Variants in GCGR observed in about 807,000 individuals in gnomAD.
GCGR encodes the protein glucagon receptor.
In GCGR, 41 loss-of-function variants were observed where a neutral mutation model predicts 56.1. The observed-to-expected ratio is 0.73, with a 90% CI of 0.57 to 0.95. GCGR has a LOEUF of 0.95. Ranked by LOEUF, GCGR falls within the 40% of genes least tolerant of loss-of-function variation. The pLI is 0.00. For missense variants in GCGR, 595 were observed against 638.2 expected (o/e 0.93, Z 0.73); for synonymous variants, 278 against 271.1 (o/e 1.03, Z -0.25).
In GCGR at chr17:81,812,972, G is replaced by T; in HGVS notation, c.1176+27G>T. 6.5e-7 allele frequency: 1 copy of T among 1,535,906 alleles called. No individual in the cohort carries two copies. The highest frequency in any genetic ancestry group is 8.7e-7 in the Non-Finnish European group (1 of 1,146,638). ...TGCCCGCCCGCCCGCCGGCTCCCCC[G>T]CCCGGGGCGCAGTGTGCCACCCCTG... is the stretch of plus-strand genomic sequence containing the variant. On this transcript the variant is annotated intron_variant, in intron 12 of 13. Coordinates refer to ENST00000400723, the MANE Select transcript of GCGR (RefSeq NM_000160.5). The surrounding 1 kb of genome is among the most constrained non-coding windows in gnomAD (Gnocchi z 8.5).
Position 81,810,803 on chromosome 17 carries a change from C to T in GCGR, c.164-22C>T. On this transcript the variant is annotated intron_variant, in intron 3 of 13. Coordinates refer to ENST00000400723, the MANE Select transcript of GCGR (RefSeq NM_000160.5). The surrounding 1 kb of genome is among the most constrained non-coding windows in gnomAD (Gnocchi z 4.6). ...CCCACCCTGCCCTGCCCTGCTCTGC[C>T]CTGCCCTACCCTACCCTGCAGAGCT... The T allele has an allele frequency of 6.5e-7, 1 of 1,534,814 alleles. No homozygotes were observed. The highest frequency in any genetic ancestry group is 8.7e-7 in the Non-Finnish European group (1 of 1,145,066).
At position 81,812,118 on chromosome 17, in the gene GCGR, G is replaced by C; in HGVS notation, c.879-65G>C. 2.0e-6 allele frequency: 3 copies of C among 1,526,206 alleles called. No individual in the cohort carries two copies. The highest frequency in any genetic ancestry group is 2.6e-6 in the Non-Finnish European group (3 of 1,138,406). The allele number at this position is 1,526,206 out of a possible 1,614,324, so 94.5% of individuals were successfully genotyped here. On this transcript the variant is annotated intron_variant, in intron 9 of 13. Transcript: ENST00000400723. The surrounding 1 kb of genome is among the most constrained non-coding windows in gnomAD (Gnocchi z 8.5). ...AATTAGATCCTGGCAAAATCGGGAC[G>C]GGGGTGCTGAGGGGCGGAGGGGCTG...
Position 81,813,560 on chromosome 17 carries a change from C to G in GCGR, c.1305C>G (p.Ala435=). Residue 435 remains alanine (A), a synonymous_variant, in exon 14 of 14, where the codon GCC becomes GCG. Transcript: ENST00000400723. The surrounding 1 kb of genome is among the most constrained non-coding windows in gnomAD (Gnocchi z 5.3). ...WEERNTSNHR[A]SSSPGHGPPS... ...AGCGGAACACCAGCAACCACAGGGC[C>G]TCATCTTCGCCCGGCCACGGCCCTC... is the stretch of plus-strand genomic sequence containing the variant. 6.5e-7 allele frequency: 1 copy of G among 1,536,396 alleles called. No homozygotes were observed. The highest frequency in any genetic ancestry group is 2.4e-5 in the East Asian group (1 of 40,914).
Position 81,811,894 on chromosome 17 carries a change from A to G in GCGR, c.826A>G (p.Met276Val). 1 of 1,537,076 alleles carries G rather than the reference A, an allele frequency of 6.5e-7. No individual in the cohort carries two copies. The highest frequency in any genetic ancestry group is 8.7e-7 in the Non-Finnish European group (1 of 1,146,874). The stretch of plus-strand genomic sequence containing the variant: ...GCTGCTGCCCCCCACAGGTGCCCCC[A>G]TGCTGTTCGTCGTCCCCTGGGCAGT... ...LYLGIGWGAP[M>V]LFVVPWAVVK... Residue 276 changes from methionine to valine, a missense_variant, in exon 9 of 14, where the codon ATG (methionine) becomes GTG (valine). Transcript: ENST00000400723. The surrounding 1 kb of genome is among the most constrained non-coding windows in gnomAD (Gnocchi z 5.8).
rs907139299 is a variant in GCGR, at chr17:81,813,345, G to A, written c.1219-129G>A. ...CTGGGTGGCATAGCTGTGCCCAGCA[G>A]GGAGCTTGTGTCGCTCTGCACCCCT... On this transcript the variant is annotated intron_variant, in intron 13 of 13. Coordinates refer to ENST00000400723, the MANE Select transcript of GCGR (RefSeq NM_000160.5). The surrounding 1 kb of genome is among the most constrained non-coding windows in gnomAD (Gnocchi z 5.3). 6 of 959,260 alleles carry A rather than the reference G, an allele frequency of 6.3e-6. No homozygotes were observed. In the African/African-American group the frequency reaches 9.8e-5, roughly 16 times the overall value. 59.4% of individuals were successfully genotyped at this position (959,260 alleles called of 1,614,324 possible).
In GCGR at chr17:81,812,812, C is replaced by G. The variant is rs1211413966; in HGVS notation, c.1043C>G (p.Ala348Gly). 1 of 1,535,706 alleles carries G rather than the reference C, an allele frequency of 6.5e-7. No individual in the cohort carries two copies. Among genetic ancestry groups the G allele is most frequent in the East Asian group, 2.4e-5 (1 of 40,886 alleles). Residue 348 changes from alanine (A) to glycine (G), a missense_variant, in exon 12 of 14, where the codon GCC (alanine) becomes GGC (glycine). Coordinates refer to ENST00000400723, the MANE Select transcript of GCGR (RefSeq NM_000160.5). This position sits in a 1 kb window ranked among gnomAD's most constrained non-coding sequence, Gnocchi z 8.5. The stretch of plus-strand genomic sequence containing the variant: ...CTCAGGCGCTGCCTCTGCAGGCTGG[C>G]CAAGTCCACGCTGACCCTCATCCCT... ...MHHTDYKFRL[A>G]KSTLTLIPLL...
rs1373931181 is a variant in GCGR at position 81,812,808 on chromosome 17, C to T, written c.1039C>T (p.Leu347=). The T allele has an allele frequency of 4.6e-6, 7 of 1,535,606 alleles. No homozygotes were observed. The highest frequency in any genetic ancestry group is 1.2e-5 in the South Asian group (1 of 84,064). ...GTGACTCAGGCGCTGCCTCTGCAGG[C>T]TGGCCAAGTCCACGCTGACCCTCAT... ...QMHHTDYKFR[L]AKSTLTLIPL... Residue 347 remains leucine, a splice_region_variant and synonymous_variant, in exon 12 of 14, where the codon CTG becomes TTG. Coordinates refer to ENST00000400723, the MANE Select transcript of GCGR (RefSeq NM_000160.5). This position sits in a 1 kb window ranked among gnomAD's most constrained non-coding sequence, Gnocchi z 8.5.
intron 1 of GCGR, among the ~76,000 whole-genome samples, chr17:81,808,185 G>A (rs538127198): frequency 1.3e-5 from 2 of 152,338 alleles, no homozygotes; most frequent in South Asian, 2.1e-4. Context: ...CACTTTGCTC[G>A]CTGTGGCACT....
In GCGR at chr17:81,812,676, C is replaced by A. The variant is rs13306380; in HGVS notation, c.1037+11C>A. ...AGACTACAAGTTCCGGTGGGTGCCGCGGCAGCTGGCGTCTCGAGACCTGGA... is the reference window on the plus strand; with the variant it reads ...AGACTACAAGTTCCGGTGGGTGCCGAGGCAGCTGGCGTCTCGAGACCTGGA... On this transcript the variant is annotated intron_variant, in intron 11 of 13. Coordinates refer to ENST00000400723, the MANE Select transcript of GCGR (RefSeq NM_000160.5). The surrounding 1 kb of genome is among the most constrained non-coding windows in gnomAD (Gnocchi z 8.5). The A allele has an allele frequency of 7.8e-6, 12 of 1,532,142 alleles. No homozygotes were observed. The highest frequency in any genetic ancestry group is 1.0e-5 in the Non-Finnish European group (12 of 1,143,762). 94.9% of individuals were successfully genotyped at this position (1,532,142 alleles called of 1,614,324 possible). A position where few individuals can be genotyped will look rare whatever the true frequency, so the allele number is the denominator to read the frequency against.
chr17:81,809,198 G>GTCTGCCTGCCCA (rs1461095440), intron 2 of GCGR, 120 bp downstream of exon 2: 2 of 1,227,120 alleles, frequency 1.6e-6, no homozygotes, highest in African/African-American at 1.5e-5. Context: ...CTGTCTGCCC[G>GTCTGCCTGCCCA]TCTGCCTGCC....
Position 81,813,586 on chromosome 17 carries a change from C to T in GCGR, c.1331C>T (p.Pro444Leu). ...TCATCTTCGCCCGGCCACGGCCCTC[C>T]CAGCAAGGAGCTGCAGTTTGGGAGG... is the stretch of plus-strand genomic sequence containing the variant. ...RASSSPGHGP[P>L]SKELQFGRGG... The change falls in exon 14 of 14, where the codon CCC becomes CTC. Residue 444 changes from proline (P) to leucine (L), a missense_variant. By Grantham distance (98) the Pro-to-Leu change is moderately conservative (BLOSUM62 -3). Transcript: ENST00000400723. This position sits in a 1 kb window ranked among gnomAD's most constrained non-coding sequence, Gnocchi z 5.3. The T allele has an allele frequency of 6.5e-7, 1 of 1,536,552 alleles. No homozygotes were observed. The highest frequency in any genetic ancestry group is 8.7e-7 in the Non-Finnish European group (1 of 1,146,842).
rs1847499650 is a variant in GCGR at position 81,813,829 on chromosome 17, T to C, written c.*140T>C. On this transcript the variant is annotated 3_prime_UTR_variant, in exon 14 of 14. Coordinates refer to ENST00000400723, the MANE Select transcript of GCGR (RefSeq NM_000160.5). The surrounding 1 kb of genome is among the most constrained non-coding windows in gnomAD (Gnocchi z 5.3). The stretch of plus-strand genomic sequence containing the variant: ...ACCTACCCCCCACCCCCAGTGTGGC[T>C]GTCTGCGAGATTGGGCCTCCTCTCC... The C allele has an allele frequency of 6.6e-6, 5 of 756,198 alleles. No homozygotes were observed. The highest frequency in any genetic ancestry group is 1.1e-5 in the Non-Finnish European group (5 of 475,726). 46.8% of individuals were successfully genotyped at this position (756,198 alleles called of 1,614,324 possible).
chr17:81,808,196 G>A (rs906257287), intron 1 of GCGR, among the ~76,000 whole-genome samples: 1 of 152,240 alleles, frequency 6.6e-6, no homozygotes, highest in Non-Finnish European at 1.5e-5. Context: ...CTGTGGCACT[G>A]GGGCCAAGTG....
rs773625372 is a variant in GCGR, at chr17:81,811,987, G to T, written c.878+41G>T. Reference sequence around the variant, plus strand: ...TGGACAGCCTGGGGAGGGACCGGGGGGCTGGGGTGCGGCGCTCTGGCCTGA... The same window carrying T: ...TGGACAGCCTGGGGAGGGACCGGGGTGCTGGGGTGCGGCGCTCTGGCCTGA... On this transcript the variant is annotated intron_variant, in intron 9 of 13. Coordinates refer to ENST00000400723, the MANE Select transcript of GCGR (RefSeq NM_000160.5). This position sits in a 1 kb window ranked among gnomAD's most constrained non-coding sequence, Gnocchi z 5.8. The T allele has an allele frequency of 5.9e-5, 90 of 1,535,940 alleles. No homozygotes were observed. Among genetic ancestry groups the T allele is most frequent in the Non-Finnish European group, 7.6e-5 (87 of 1,146,500 alleles).
At position 81,813,832 on chromosome 17, in the gene GCGR, C is replaced by G. The variant is rs1173473491; in HGVS notation, c.*143C>G. On this transcript the variant is annotated 3_prime_UTR_variant, in exon 14 of 14. Coordinates refer to ENST00000400723, the MANE Select transcript of GCGR (RefSeq NM_000160.5). The surrounding 1 kb of genome is among the most constrained non-coding windows in gnomAD (Gnocchi z 5.3). Reference sequence around the variant, plus strand: ...TACCCCCCACCCCCAGTGTGGCTGTCTGCGAGATTGGGCCTCCTCTCCCTG... The same window carrying G: ...TACCCCCCACCCCCAGTGTGGCTGTGTGCGAGATTGGGCCTCCTCTCCCTG... 9.4e-6 allele frequency: 7 copies of G among 744,068 alleles called. No individual in the cohort carries two copies. Among genetic ancestry groups the G allele is most frequent in the Non-Finnish European group, 1.5e-5 (7 of 464,912 alleles). 46.1% of individuals were successfully genotyped at this position (744,068 alleles called of 1,614,324 possible). A position where few individuals can be genotyped will look rare whatever the true frequency, so the allele number is the denominator to read the frequency against.
chr17:81,808,251 TCAG>T (rs2038002169), intron 1 of GCGR, among the ~76,000 whole-genome samples: 1 of 152,220 alleles, frequency 6.6e-6, no homozygotes. Context: ...GCACATTGGC[TCAG>T]GTCAGCCTGG....
rs1055135808 is a variant in GCGR, at chr17:81,810,438, G to A, written c.164-387G>A. On this transcript the variant is annotated intron_variant, in intron 3 of 13. Transcript: ENST00000400723. This position sits in a 1 kb window ranked among gnomAD's most constrained non-coding sequence, Gnocchi z 4.6. Reference sequence around the variant, plus strand: ...CAGCCACAGGTTTGGCGATGCACCTGGGAAGGATGAAAATGGCATTGGGGT... The same window carrying A: ...CAGCCACAGGTTTGGCGATGCACCTAGGAAGGATGAAAATGGCATTGGGGT... 8.3e-6 allele frequency: 3 copies of A among 361,436 alleles called. No homozygotes were observed. The highest frequency in any genetic ancestry group is 1.6e-5 in the Non-Finnish European group (3 of 190,916). The allele number at this position is 361,436 out of a possible 1,614,324, so 22.4% of individuals were successfully genotyped here. A position where few individuals can be genotyped will look rare whatever the true frequency, so the allele number is the denominator to read the frequency against.
chr17:81,804,828 C>T lies in GCGR; in HGVS notation c.-178+579C>T, dbSNP rs1488388150. ...GGTCACTGCCCTGCCCGGCTCCGGCCCCCCCGGCGCCCCACCACCCGGCCG... is the reference window on the plus strand; with the variant it reads ...GGTCACTGCCCTGCCCGGCTCCGGCTCCCCCGGCGCCCCACCACCCGGCCG... On this transcript the variant is annotated intron_variant, in intron 1 of 13. Transcript: ENST00000400723. The surrounding 1 kb of genome is among the most constrained non-coding windows in gnomAD (Gnocchi z 8.2). Among the ~76,000 whole-genome samples, 1 of 152,130 alleles carries T rather than the reference C, an allele frequency of 6.6e-6. No individual in the cohort carries two copies. Among genetic ancestry groups the T allele is most frequent in the East Asian group, 1.9e-4 (1 of 5,178 alleles).
In GCGR at chr17:81,812,986, G is replaced by A. The variant is rs1326257012; in HGVS notation, c.1177-30G>A. ...CCGGCTCCCCCGCCCGGGGCGCAGT[G>A]TGCCACCCCTGACCACCCTGTCTCT... On this transcript the variant is annotated intron_variant, in intron 12 of 13. Transcript: ENST00000400723. This position sits in a 1 kb window ranked among gnomAD's most constrained non-coding sequence, Gnocchi z 8.5. 3 of 1,536,094 alleles carry A rather than the reference G, an allele frequency of 2.0e-6. No individual in the cohort carries two copies. Among genetic ancestry groups the A allele is most frequent in the South Asian group, 1.2e-5 (1 of 84,066 alleles).
Sources: gnomAD v4.1 joint callset for allele counts (sites outside exome capture counted in the v4.1 genomes callset) on GRCh38, gnomAD v4.1.1 for gene constraint, Gnocchi (gnomAD v3.1) non-coding constraint, MANE v1.5 for transcripts, NCBI Gene and HGNC (gene_info 2026-07-23, HGNC 2026-07-21) for gene names.